Variants in ZNF585A observed in about 807,000 individuals in gnomAD.
ZNF585A encodes zinc finger protein 585A.
ZNF585A carries 9 observed loss-of-function variants against 14.9 expected under a neutral mutation model. That is an observed-to-expected ratio of 0.60 (90% CI 0.36 to 1.05). ZNF585A has a LOEUF of 1.05. ZNF585A is among the 50% of genes least tolerant of loss of function. The pLI is 0.01. For synonymous variants in ZNF585A, 276 were observed against 319.9 expected (o/e 0.86, Z 1.46); for missense variants, 726 against 926.4 (o/e 0.78, Z 2.81).
intron 4 of ZNF585A, among the ~76,000 whole-genome samples, chr19:37,154,573 G>A (rs1971892075): frequency 6.6e-6 from 1 of 152,026 alleles, no homozygotes; most frequent in Admixed American, 6.6e-5. Flanking sequence ...GGTCAATGTG[G>A]AATCACTCAA....
At chr19:37,157,888 CT>C (rs566034676) in intron 2 of ZNF585A, among the ~76,000 whole-genome samples, 1,410 of 125,456 alleles carry the variant, frequency 0.011, 26 homozygotes, top group East Asian at 0.056. Flanking sequence ...AGGAAAAGTT[CT>C]TTTTTTTTTT....
At chr19:37,163,625 T>C (rs113558776) in intron 2 of ZNF585A, among the ~76,000 whole-genome samples, 3,342 of 152,086 alleles carry the variant, frequency 0.022, 129 homozygotes, top group African/African-American at 0.077. Flanking sequence ...AACAAAAGAA[T>C]CCTTGAATTG....
chr19:37,156,590 C>T lies in ZNF585A; in HGVS notation c.73-235G>A, dbSNP rs933552127. ...CCTAGGATCAATCATTAACACTTTA[C>T]TTGCTTTATCATACATCTAAGCCAT... is the stretch of plus-strand genomic sequence containing the variant. On this transcript the variant is annotated intron_variant, in intron 2 of 4. Coordinates refer to ENST00000292841, the MANE Select transcript of ZNF585A (RefSeq NM_001288800.2). Among the ~76,000 whole-genome samples the T allele has an allele frequency of 9.8e-5, 15 of 152,298 alleles. No homozygotes were observed. The East Asian group carries it at 2.9e-3, about 29-fold the overall frequency.
At position 37,147,246 on chromosome 19, in the gene ZNF585A, T is replaced by C. The variant is rs969110774; in HGVS notation, c.*4343A>G. Reference sequence around the variant, plus strand: ...CAAGTGAGCTCTACAGATGTGTTACTTCAATGGCAGGATAAGATGGGGATG... The same window carrying C: ...CAAGTGAGCTCTACAGATGTGTTACCTCAATGGCAGGATAAGATGGGGATG... On this transcript the variant is annotated 3_prime_UTR_variant, in exon 5 of 5. Transcript: ENST00000292841. The C allele has an allele frequency of 1.3e-5, 2 of 152,258 alleles. No individual in the cohort carries two copies. Among genetic ancestry groups the C allele is most frequent in the African/African-American group, 4.8e-5 (2 of 41,416 alleles). 9.4% of individuals were successfully genotyped at this position (152,258 alleles called of 1,614,324 possible). A position where few individuals can be genotyped will look rare whatever the true frequency, so the allele number is the denominator to read the frequency against.
chr19:37,155,554 C>T (rs2145401659), intron 4 of ZNF585A, among the ~76,000 whole-genome samples: 1 of 152,012 alleles, frequency 6.6e-6, no homozygotes, highest in Admixed American at 6.5e-5. Context: ...ACTTGGATGG[C>T]TGAGGCACGA....
chr19:37,153,420 C>A lies in ZNF585A; in HGVS notation c.479G>T (p.Cys160Phe), dbSNP rs754433642. Reference sequence around the variant, plus strand: ...TACAAAAGCCTTCCCACATTCAATGCATACATAGAGCTTTTCTCCTGCAAG... The same window carrying A: ...TACAAAAGCCTTCCCACATTCAATGAATACATAGAGCTTTTCTCCTGCAAG... ...KVLAGEKLYV[C>F]IECGKAFVQK... Residue 160 changes from cysteine (C) to phenylalanine (F), a missense_variant, in exon 5 of 5, where the codon TGC (cysteine) becomes TTC (phenylalanine). Physicochemically the swap from Cys to Phe is radical, Grantham distance 205. Coordinates refer to ENST00000292841, the MANE Select transcript of ZNF585A (RefSeq NM_001288800.2). The A allele has an allele frequency of 6.2e-7, 1 of 1,614,168 alleles. No homozygotes were observed. Among genetic ancestry groups the A allele is most frequent in the East Asian group, 2.2e-5 (1 of 44,876 alleles).
At chr19:37,166,547 C>T (rs781259444) in intron 2 of ZNF585A, among the ~76,000 whole-genome samples, 6 of 146,112 alleles carry the variant, frequency 4.1e-5, no homozygotes, top group Admixed American at 2.7e-4. Flanking sequence ...CTCCTGACCT[C>T]GTGATCCACC....
At chr19:37,160,913 G>T (rs1022923342) in intron 2 of ZNF585A, among the ~76,000 whole-genome samples, 1 of 151,878 alleles carries the variant, frequency 6.6e-6, no homozygotes, top group Non-Finnish European at 1.5e-5. Flanking sequence ...TGTCGTCCAG[G>T]CTGAAGAGCA....
chr19:37,148,215 A>G lies in ZNF585A; in HGVS notation c.*3374T>C, dbSNP rs1219807200. The G allele has an allele frequency of 6.6e-6, 1 of 152,202 alleles. No homozygotes were observed. The highest frequency in any genetic ancestry group is 1.5e-5 in the Non-Finnish European group (1 of 68,040). The allele number at this position is 152,202 out of a possible 1,614,324, so 9.4% of individuals were successfully genotyped here. On this transcript the variant is annotated 3_prime_UTR_variant, in exon 5 of 5. Transcript: ENST00000292841. Reference sequence around the variant, plus strand: ...TTCATTTTTAGCCATTCTAAAAGCCATTCTATAGTAGTATCTCATTGTGGT... The same window carrying G: ...TTCATTTTTAGCCATTCTAAAAGCCGTTCTATAGTAGTATCTCATTGTGGT...
intron 4 of ZNF585A, among the ~76,000 whole-genome samples, chr19:37,155,023 C>T (rs1257150301): frequency 3.2e-5 from 4 of 124,856 alleles, no homozygotes; most frequent in South Asian, 5.0e-4. Flanking sequence ...TTTTTTGAGA[C>T]GGAGTCTCGC....
intron 2 of ZNF585A, among the ~76,000 whole-genome samples, chr19:37,167,589 T>TTTTATTTATTTTATTTA (rs1972113757): frequency 6.9e-6 from 1 of 144,086 alleles, no homozygotes; most frequent in African/African-American, 2.7e-5. Context: ...TTACTTTTTA[T>TTTTATTTATTTTATTTA]TTTTATTTTA....
intron 2 of ZNF585A, among the ~76,000 whole-genome samples, chr19:37,166,035 T>C (rs1236612003): frequency 6.6e-6 from 1 of 152,186 alleles, no homozygotes; most frequent in Non-Finnish European, 1.5e-5. Context: ...TTTGTCTTTT[T>C]TTCAGTCTTG....
At chr19:37,169,367 G>C (rs1972144831) in intron 2 of ZNF585A, among the ~76,000 whole-genome samples, 1 of 146,218 alleles carries the variant, frequency 6.8e-6, no homozygotes, top group Non-Finnish European at 1.5e-5. Context: ...CTGAAAAAGA[G>C]AGCAGCAAAG....
At chr19:37,160,286 G>A (rs193085438) in intron 2 of ZNF585A, among the ~76,000 whole-genome samples, 10 of 151,628 alleles carry the variant, frequency 6.6e-5, no homozygotes, top group African/African-American at 2.4e-4. Flanking sequence ...AGGATGTAGT[G>A]AGCTGAGATG....
chr19:37,153,346 G>A lies in ZNF585A; in HGVS notation c.553C>T (p.Pro185Ser). 6.2e-7 allele frequency: 1 copy of A among 1,614,108 alleles called. No homozygotes were observed. Among genetic ancestry groups the A allele is most frequent in the Non-Finnish European group, 8.5e-7 (1 of 1,180,014 alleles). Residue 185 changes from proline to serine, a missense_variant, in exon 5 of 5, where the codon CCC becomes TCC. Pro to Ser is a moderately conservative substitution (Grantham distance 74). Around this residue, in one of 2 missense-constraint regions of ZNF585A, gnomAD observed 483 missense variants for 542.8 expected, o/e 0.89. Transcript: ENST00000292841. ...IHQKTHMREK[P>S]FKCNECGKSF... ...TTTCCACATTCATTGCATTTAAAGG[G>A]TTTCTCTCTCATATGGGTTTTCTGG...
chr19:37,154,403 G>A (rs970833459), intron 4 of ZNF585A, among the ~76,000 whole-genome samples: 5 of 152,096 alleles, frequency 3.3e-5, no homozygotes, highest in Non-Finnish European at 7.4e-5. Context: ...GGGTGTGGGG[G>A]AAAGAGAAAA....
At chr19:37,156,390 C>A in intron 2 of ZNF585A, 35 bp from the exon 3 acceptor site, 1 of 1,613,348 alleles carries the variant, frequency 6.2e-7, no homozygotes, top group South Asian at 1.1e-5. Flanking sequence ...TGTGCACAGT[C>A]AGCTTAGAGG....
chr19:37,169,876 G>C lies in ZNF585A; in HGVS notation c.35C>G (p.Ser12Ter). ...GCCATGATCCTCTGGAGCCAGGGCTGAGGATTTCTGAGGTGAGGTCCAATT... is the reference window on the plus strand; with the variant it reads ...GCCATGATCCTCTGGAGCCAGGGCTCAGGATTTCTGAGGTGAGGTCCAATT... ...PANWTSPQKSSALAPEDHGSS... is the reference protein window; with the variant it reads ...PANWTSPQKS The change falls in exon 2 of 5, where the codon TCA (serine) becomes TGA (stop). Residue 12 changes from serine (S) to a stop codon, truncating the protein, a stop_gained. Transcript: ENST00000292841. LOFTEE classifies it high-confidence loss of function. 1 of 1,613,356 alleles carries C rather than the reference G, an allele frequency of 6.2e-7. No individual in the cohort carries two copies. Among genetic ancestry groups the C allele is most frequent in the Non-Finnish European group, 8.5e-7 (1 of 1,180,020 alleles).
At chr19:37,160,483 A>G (rs1450833760) in intron 2 of ZNF585A, among the ~76,000 whole-genome samples, 1 of 151,948 alleles carries the variant, frequency 6.6e-6, no homozygotes, top group Non-Finnish European at 1.5e-5. Flanking sequence ...AAAGATAGAG[A>G]GAAAAATCAC....
Sources: allele counts gnomAD v4.1 joint callset (sites outside exome capture counted in the v4.1 genomes callset), GRCh38; gene constraint gnomAD v4.1.1; regional missense constraint gnomAD v4.1.1; transcripts MANE v1.5; gene names NCBI Gene and HGNC (gene_info 2026-07-23, HGNC 2026-07-21).